The following CACNA1C variants were observed in gnomAD, a reference collection of about 807,000 sequenced individuals.
CACNA1C encodes voltage-dependent L-type calcium channel subunit alpha-1C.
A neutral mutation model predicts 229.0 loss-of-function variants in CACNA1C; 30 were observed. That is an observed-to-expected ratio of 0.13 (90% confidence interval 0.10 to 0.18). CACNA1C has a LOEUF of 0.18. CACNA1C is among the 10% of genes least tolerant of loss of function. The probability of loss-of-function intolerance (pLI) is 1.00; values close to 1 mark genes in which losing one functional copy is unlikely to be tolerated. For synonymous variants in CACNA1C, 1,114 were observed against 1,132.5 expected (o/e 0.98, Z 0.33); for missense variants, 1,658 against 2,845.0 (o/e 0.58, Z 9.49).
At chr12:2,004,053 G>T in intron 1 of CACNA1C, 2 of 615,552 alleles carry the variant, frequency 3.2e-6, no homozygotes, top group South Asian at 3.9e-5. Context: ...CGTTGGGTAC[G>T]TTAGAGATTT....
intron 3 of CACNA1C, among the ~76,000 whole-genome samples, chr12:2,209,837 A>G (rs904089535): frequency 6.6e-6 from 1 of 152,220 alleles, no homozygotes; most frequent in African/African-American, 2.4e-5. Flanking sequence ...CCCTAAATCA[A>G]ATTCTCAACT....
intron 4 of CACNA1C, among the ~76,000 whole-genome samples, chr12:2,453,594 G>A (rs1410710549): frequency 6.6e-6 from 1 of 152,100 alleles, no homozygotes; most frequent in Non-Finnish European, 1.5e-5. Flanking sequence ...AAATTATTGA[G>A]TCATCCCTCA....
intron 27 of CACNA1C, among the ~76,000 whole-genome samples, chr12:2,609,571 CT>C (rs2076736638): frequency 6.7e-6 from 1 of 148,980 alleles, no homozygotes; most frequent in African/African-American, 2.5e-5. Context: ...AGACCCCGAT[CT>C]AGTATCCGGT....
intron 11 of CACNA1C, among the ~76,000 whole-genome samples, chr12:2,559,687 G>A (rs1433757844): frequency 6.6e-6 from 1 of 152,182 alleles, no homozygotes; most frequent in African/African-American, 2.4e-5. Flanking sequence ...CTCTAGTATG[G>A]CTGAGTCAGA....
At chr12:2,135,958 G>C (rs1295800429) in intron 3 of CACNA1C, among the ~76,000 whole-genome samples, 3 of 149,584 alleles carry the variant, frequency 2.0e-5, no homozygotes, top group Non-Finnish European at 3.0e-5. Flanking sequence ...CAATCAGCGA[G>C]ACTCCGTGGG....
chr12:2,035,445 C>T (rs1275489418), intron 1 of CACNA1C, among the ~76,000 whole-genome samples: 1 of 152,176 alleles, frequency 6.6e-6, no homozygotes, highest in African/African-American at 2.4e-5. Context: ...TACAAGCGGC[C>T]GGGAGGTGAT....
intron 8 of CACNA1C, among the ~76,000 whole-genome samples, chr12:2,511,401 C>T (rs2154579450): frequency 6.6e-6 from 1 of 152,348 alleles, no homozygotes; most frequent in South Asian, 2.1e-4. Flanking sequence ...CCTTTGCCCT[C>T]TTATGGTTTG....
intron 3 of CACNA1C, among the ~76,000 whole-genome samples, chr12:2,372,172 T>C (rs2097887100): frequency 6.6e-6 from 1 of 152,210 alleles, no homozygotes; most frequent in East Asian, 1.9e-4. Flanking sequence ...CCAAGTTTGA[T>C]GATGTCCTCA....
At chr12:2,507,753 C>T (rs1324512310) in intron 8 of CACNA1C, among the ~76,000 whole-genome samples, 1 of 152,226 alleles carries the variant, frequency 6.6e-6, no homozygotes, top group African/African-American at 2.4e-5. Context: ...TGAAGCTCAC[C>T]AGGCAAAATG....
At chr12:2,062,177 T>C (rs1223366173) in intron 1 of CACNA1C, among the ~76,000 whole-genome samples, 1 of 152,250 alleles carries the variant, frequency 6.6e-6, no homozygotes, top group African/African-American at 2.4e-5. Context: ...TATTGAGGTA[T>C]AACATCTACC....
intron 38 of CACNA1C, among the ~76,000 whole-genome samples, chr12:2,673,095 C>CT (rs999664310): frequency 2.6e-5 from 4 of 152,354 alleles, no homozygotes; most frequent in Admixed American, 2.6e-4. Context: ...CAATACTGGA[C>CT]TGCCGGTCCT....
intron 3 of CACNA1C, among the ~76,000 whole-genome samples, chr12:2,125,388 G>A (rs1414987491): frequency 6.6e-6 from 1 of 152,184 alleles, no homozygotes; most frequent in African/African-American, 2.4e-5. Flanking sequence ...GTTTGCTGAG[G>A]TTCAATGCTT....
At chr12:2,109,730 T>G (rs2238029) in intron 1 of CACNA1C, among the ~76,000 whole-genome samples, 106,914 of 152,098 alleles carry the variant, frequency 0.7, 37,781 homozygotes, top group East Asian at 0.73. Context: ...GAGGAAAAGG[T>G]CAGGGTGGCT....
chr12:2,593,087 G>A (rs1422136150), intron 18 of CACNA1C, 126 bp from the exon 19 acceptor site: 3 of 1,020,302 alleles, frequency 2.9e-6, no homozygotes, highest in Admixed American at 2.6e-5. Context: ...ACAGCAGAAT[G>A]TCTGTCTTGG....
rs1332243659 is a variant in CACNA1C at position 2,695,102 on chromosome 12, T to G, written c.*3903T>G. 5 of 126,680 alleles carry G rather than the reference T, an allele frequency of 3.9e-5. No homozygotes were observed. Among genetic ancestry groups the G allele is most frequent in the Non-Finnish European group, 6.4e-5 (4 of 62,266 alleles). The allele number at this position is 126,680 out of a possible 1,614,324, so 7.8% of individuals were successfully genotyped here. A position where few individuals can be genotyped will look rare whatever the true frequency, so the allele number is the denominator to read the frequency against. ...AACCCCAGGGGAGGCAAATACTTGC[T>G]GATGGAGTCTGGGCCGTTTCCATAT... On this transcript the variant is annotated 3_prime_UTR_variant, in exon 47 of 47. Transcript: ENST00000399655.
At chr12:2,621,022 A>G (rs1330355332) in intron 29 of CACNA1C, among the ~76,000 whole-genome samples, 2 of 152,214 alleles carry the variant, frequency 1.3e-5, no homozygotes, top group Non-Finnish European at 2.9e-5. Context: ...CCTTGTTTCT[A>G]GAGGTAGCTC....
intron 3 of CACNA1C, among the ~76,000 whole-genome samples, chr12:2,175,500 G>T (rs1395968048): frequency 1.3e-5 from 2 of 151,966 alleles, no homozygotes; most frequent in Non-Finnish European, 2.9e-5. Flanking sequence ...TTGAAGGGAG[G>T]GTCAAGGATG....
At chr12:2,176,099 G>T (rs141923819) in intron 3 of CACNA1C, among the ~76,000 whole-genome samples, 415 of 152,264 alleles carry the variant, frequency 2.7e-3, no homozygotes, top group African/African-American at 9.4e-3. Flanking sequence ...AGGGACATGA[G>T]GATGCTAGAG....
At chr12:2,438,599 G>A (rs1036792756) in intron 3 of CACNA1C, among the ~76,000 whole-genome samples, 1 of 152,050 alleles carries the variant, frequency 6.6e-6, no homozygotes, top group Non-Finnish European at 1.5e-5. Context: ...GGTGTGGTGA[G>A]CCTTTGGTGT....
Sources: allele counts gnomAD v4.1 joint callset (sites outside exome capture counted in the v4.1 genomes callset), GRCh38; gene constraint gnomAD v4.1.1; transcripts MANE v1.5; gene names NCBI Gene and HGNC (gene_info 2026-07-23, HGNC 2026-07-21).